The following MOXD1 variants were observed in gnomAD, a reference collection of about 807,000 sequenced individuals.
MOXD1 encodes the protein DBH-like monooxygenase protein 1.
MOXD1 carries 62 observed loss-of-function variants against 66.6 expected under a neutral mutation model. That is an observed-to-expected ratio of 0.93 (90% CI 0.76 to 1.15). MOXD1 has a LOEUF of 1.15. Among genes scored for constraint, MOXD1 ranks in the 50% most tolerant of loss-of-function variants. The pLI, the probability that MOXD1 is intolerant of heterozygous loss-of-function variation, is 0.00. For missense variants in MOXD1, 847 were observed against 754.6 expected, an observed-to-expected ratio of 1.12 and a Z score of -1.44; for synonymous variants, 303 against 281.9, an observed-to-expected ratio of 1.07 and a Z score of -0.75.
At position 132,323,929 on chromosome 6, in the gene MOXD1, A is replaced by C; in HGVS notation, c.1113+2T>G. The C allele has an allele frequency of 1.9e-6, 3 of 1,600,044 alleles. No homozygotes were observed. The highest frequency in any genetic ancestry group is 2.6e-6 in the Non-Finnish European group (3 of 1,175,400). On this transcript the variant is annotated splice_donor_variant, in intron 7 of 11. Coordinates refer to ENST00000367963, the MANE Select transcript of MOXD1 (RefSeq NM_015529.4). LOFTEE classifies it high-confidence loss of function. Reference sequence around the variant, plus strand: ...AGCAGCTCAGACTCAGATGCTGCATACCTCTTCCAGGCACTCCAAAGTGCA... The same window carrying C: ...AGCAGCTCAGACTCAGATGCTGCATCCCTCTTCCAGGCACTCCAAAGTGCA...
chr6:132,378,497 G>C (rs931614301), intron 1 of MOXD1, among the ~76,000 whole-genome samples: 50 of 151,976 alleles, frequency 3.3e-4, no homozygotes, highest in Non-Finnish European at 5.1e-4. Flanking sequence ...TAAAAATACT[G>C]ATTGTAAAAG....
chr6:132,379,485 C>G (rs1776468190), intron 1 of MOXD1, among the ~76,000 whole-genome samples: 1 of 152,128 alleles, frequency 6.6e-6, no homozygotes, highest in Non-Finnish European at 1.5e-5. Context: ...ACGTGGAAAG[C>G]CCTACAGGTG....
At chr6:132,368,856 A>T (rs1776199195) in intron 4 of MOXD1, among the ~76,000 whole-genome samples, 1 of 152,124 alleles carries the variant, frequency 6.6e-6, no homozygotes, top group East Asian at 1.9e-4. Flanking sequence ...AACTCTACAC[A>T]TACTATGCTT....
At chr6:132,359,065 T>A (rs1775961894) in intron 4 of MOXD1, among the ~76,000 whole-genome samples, 1 of 151,996 alleles carries the variant, frequency 6.6e-6, no homozygotes, top group African/African-American at 2.4e-5. Context: ...GAAGACCTTG[T>A]CATTTCCACA....
intron 10 of MOXD1, among the ~76,000 whole-genome samples, chr6:132,303,623 A>G (rs1282587312): frequency 1.3e-5 from 2 of 150,206 alleles, no homozygotes; most frequent in Admixed American, 6.6e-5. Flanking sequence ...AATTTTTTCA[A>G]ACATTTTTTA....
rs149111930 is a variant in MOXD1, at chr6:132,384,241, TCTTCCTTCCTTCCTTCCTTCCTTCCTTC to T, written c.265-9492_265-9465del. 1.5e-4 allele frequency among the ~76,000 whole-genome samples: 17 copies of T among 112,484 alleles called. 1 individual carries two copies. Among genetic ancestry groups the T allele is most frequent in the Admixed American group, 6.0e-4 (6 of 10,078 alleles). The allele number at this position is 112,484 out of a possible 152,430, so 73.8% of individuals were successfully genotyped here. ...TTCCTCCTTCCTTCCTCCCTCCCTC[TCTTCCTTCCTTCCTTCCTTCCTTCCTTC>T]CTTCCTTCCTTCCTTCCTTCCTCCT... On this transcript the variant is annotated intron_variant, in intron 1 of 11. Transcript: ENST00000367963.
intron 4 of MOXD1, among the ~76,000 whole-genome samples, chr6:132,372,160 T>C (rs1488344041): frequency 6.6e-6 from 1 of 152,222 alleles, no homozygotes; most frequent in Non-Finnish European, 1.5e-5. Flanking sequence ...TAATTTTCTT[T>C]TTTCTATTTT....
At chr6:132,394,548 G>A (rs1192600791) in intron 1 of MOXD1, among the ~76,000 whole-genome samples, 1 of 151,920 alleles carries the variant, frequency 6.6e-6, no homozygotes, top group Non-Finnish European at 1.5e-5. Context: ...ACAGAATACT[G>A]AAAAATAATG....
At position 132,319,744 on chromosome 6, in the gene MOXD1, G is replaced by A. The variant is rs550797696; in HGVS notation, c.1365+885C>T. Among the ~76,000 whole-genome samples, 143 of 149,800 alleles carry A rather than the reference G, an allele frequency of 9.5e-4. 1 individual carries two copies. Among genetic ancestry groups the A allele is most frequent in the Middle Eastern group, 3.5e-3 (1 of 288 alleles). On this transcript the variant is annotated intron_variant, in intron 9 of 11. Transcript: ENST00000367963. Reference sequence around the variant, plus strand: ...TTCTTCCTAACTTGAAAAAAAAAACGGTATTTCATTTAATTTAATATTTGC... The same window carrying A: ...TTCTTCCTAACTTGAAAAAAAAAACAGTATTTCATTTAATTTAATATTTGC...
intron 1 of MOXD1, 155 bp from the exon 2 acceptor site, chr6:132,374,932 C>T: frequency 1.4e-6 from 1 of 695,788 alleles, no homozygotes; most frequent in Non-Finnish European, 2.4e-6. Flanking sequence ...GGAATCAGGT[C>T]CCTGGGAAAC....
chr6:132,322,558 G>A (rs1775097209), intron 8 of MOXD1, 121 bp downstream of exon 8: 1 of 891,364 alleles, frequency 1.1e-6, no homozygotes, highest in Non-Finnish European at 1.7e-6. Flanking sequence ...CACAGTGGGT[G>A]GTGTTAAGAA....
chr6:132,328,456 T>G lies in MOXD1; in HGVS notation c.802A>C (p.Thr268Pro), dbSNP rs899865963. ...YHPNMPDAFL[T>P]CETVIFAWAI... ...CAGGCAAAAATCACAGTTTCACAGG[T>G]GAGGAATGCATCGGGCATGTTGGGG... is the stretch of plus-strand genomic sequence containing the variant. The change falls in exon 5 of 12, where the codon ACC becomes CCC. Residue 268 changes from threonine (T) to proline (P), a missense_variant. By Grantham distance (38) the Thr-to-Pro change is conservative (BLOSUM62 -1). Transcript: ENST00000367963. 6.2e-7 allele frequency: 1 copy of G among 1,613,358 alleles called. No homozygotes were observed. Among genetic ancestry groups the G allele is most frequent in the Non-Finnish European group, 8.5e-7 (1 of 1,179,452 alleles).
chr6:132,355,111 C>T (rs1438786666), intron 4 of MOXD1, among the ~76,000 whole-genome samples: 1 of 152,166 alleles, frequency 6.6e-6, no homozygotes, highest in East Asian at 1.9e-4. Flanking sequence ...TGGTTCTTCC[C>T]TCACCCGTGG....
chr6:132,397,024 C>T (rs1332133851), intron 1 of MOXD1, among the ~76,000 whole-genome samples: 1 of 152,150 alleles, frequency 6.6e-6, no homozygotes, highest in African/African-American at 2.4e-5. Context: ...AAGACTAAGT[C>T]ATAAAAGGCT....
chr6:132,369,134 C>G (rs776537264), intron 4 of MOXD1, among the ~76,000 whole-genome samples: 8 of 152,032 alleles, frequency 5.3e-5, no homozygotes, highest in Non-Finnish European at 1.2e-4. Context: ...TATTAGGCTA[C>G]TACTGATCAG....
chr6:132,393,721 G>T (rs1163276966), intron 1 of MOXD1, among the ~76,000 whole-genome samples: 1 of 152,170 alleles, frequency 6.6e-6, no homozygotes, highest in East Asian at 1.9e-4. Context: ...CTGCCAGAAT[G>T]TGTTCTGCCT....
chr6:132,390,059 T>A (rs1370073167), intron 1 of MOXD1, among the ~76,000 whole-genome samples: 1 of 151,390 alleles, frequency 6.6e-6, no homozygotes, highest in East Asian at 1.9e-4. Flanking sequence ...CAACGCCTAG[T>A]ATTAAGAAAG....
rs1774401775 is a variant in MOXD1, at chr6:132,296,476, GAGCTCT to G, written c.*671_*676del. 1 of 152,102 alleles carries G rather than the reference GAGCTCT, an allele frequency of 6.6e-6. No homozygotes were observed. The highest frequency in any genetic ancestry group is 1.5e-5 in the Non-Finnish European group (1 of 68,030). 9.4% of individuals were successfully genotyped at this position (152,102 alleles called of 1,614,324 possible). A position where few individuals can be genotyped will look rare whatever the true frequency, so the allele number is the denominator to read the frequency against. On this transcript the variant is annotated 3_prime_UTR_variant, in exon 12 of 12. Coordinates refer to ENST00000367963, the MANE Select transcript of MOXD1 (RefSeq NM_015529.4). ...GCCTCTTTCTTTTCAGATAGTGACA[GAGCTCT>G]AGAAAAAACTCATCTGGCCAGTACT...
intron 4 of MOXD1, among the ~76,000 whole-genome samples, chr6:132,347,609 G>A (rs1008814267): frequency 2.0e-5 from 3 of 152,010 alleles, no homozygotes; most frequent in African/African-American, 7.3e-5. Flanking sequence ...CTCCGAAGGT[G>A]GAGGTTGTAG....
Sources: allele counts gnomAD v4.1 joint callset (sites outside exome capture counted in the v4.1 genomes callset), GRCh38; gene constraint gnomAD v4.1.1; transcripts MANE v1.5; gene names NCBI Gene and HGNC (gene_info 2026-07-23, HGNC 2026-07-21).